CREB5: variants seen among roughly 807,000 people sequenced by gnomAD.
CREB5 encodes the protein cyclic AMP-responsive element-binding protein 5.
A neutral mutation model predicts 57.1 loss-of-function variants in CREB5; 19 were observed. The ratio of observed to expected loss-of-function variants is 0.33; its 90% confidence interval spans 0.23 to 0.49. CREB5 has a LOEUF of 0.49. Among genes scored for constraint, CREB5 ranks in the 20% least tolerant of loss-of-function variants. The pLI, the probability that CREB5 is intolerant of heterozygous loss-of-function variation, is 0.99. For missense variants in CREB5, 579 were observed against 671.6 expected (o/e 0.86, Z 1.52); for synonymous variants, 238 against 238.3 (o/e 1.00, Z 0.01).
At chr7:28,560,903 C>T (rs186457557) in intron 4 of CREB5, among the ~76,000 whole-genome samples, 11,568 of 25,526 alleles carry the variant, frequency 0.45, 2,779 homozygotes, top group East Asian at 0.71. Flanking sequence ...TGTGCGTGCG[C>T]GCGTGCGTGT....
intron 5 of CREB5, among the ~76,000 whole-genome samples, chr7:28,670,841 C>A (rs1800007526): frequency 6.6e-6 from 1 of 152,122 alleles, no homozygotes; most frequent in Non-Finnish European, 1.5e-5. Flanking sequence ...TTCTTTAAAA[C>A]AATTTGTAAA....
chr7:28,800,136 CAAACT>C (rs1347345493), intron 7 of CREB5, among the ~76,000 whole-genome samples: 1 of 152,170 alleles, frequency 6.6e-6, no homozygotes, highest in African/African-American at 2.4e-5. Context: ...TATATCGCTA[CAAACT>C]AAACTATTTT....
At chr7:28,583,907 A>G (rs1030053200) in intron 5 of CREB5, among the ~76,000 whole-genome samples, 1 of 151,938 alleles carries the variant, frequency 6.6e-6, no homozygotes, top group South Asian at 2.1e-4. Flanking sequence ...CGAACTCCCA[A>G]CCTCAGCTGA....
At chr7:28,686,281 C>G (rs993439163) in intron 5 of CREB5, 4 of 863,912 alleles carry the variant, frequency 4.6e-6, no homozygotes, top group African/African-American at 3.4e-5. Context: ...AGCCTTCGTC[C>G]TCCTCCTCCT....
intron 7 of CREB5, among the ~76,000 whole-genome samples, chr7:28,779,892 T>C (rs964448325): frequency 6.6e-6 from 1 of 152,198 alleles, no homozygotes; most frequent in African/African-American, 2.4e-5. Flanking sequence ...TTGACACTTA[T>C]GCCACTTTGA....
intron 9 of CREB5, among the ~76,000 whole-genome samples, chr7:28,813,108 G>C (rs890176004): frequency 2.0e-5 from 3 of 152,208 alleles, no homozygotes; most frequent in Non-Finnish European, 4.4e-5. Flanking sequence ...ATTTTGTGGA[G>C]AAAGAAACTG....
intron 5 of CREB5, among the ~76,000 whole-genome samples, chr7:28,631,963 G>C (rs929399256): frequency 1.3e-5 from 2 of 152,154 alleles, no homozygotes; most frequent in Non-Finnish European, 2.9e-5. Flanking sequence ...CTCTGTGCTG[G>C]AGAAAAGGAG....
At chr7:28,578,788 T>A (rs1024216369) in intron 5 of CREB5, among the ~76,000 whole-genome samples, 4 of 152,246 alleles carry the variant, frequency 2.6e-5, no homozygotes, top group African/African-American at 9.6e-5. Context: ...TTCTTTACTA[T>A]CTATTTTTCA....
intron 1 of CREB5, among the ~76,000 whole-genome samples, chr7:28,367,054 C>T (rs10279242): frequency 0.42 from 64,075 of 151,996 alleles, 13,815 homozygotes; most frequent in Non-Finnish European, 0.49. Flanking sequence ...TGGAAATTTT[C>T]GGCATACTCT....
chr7:28,512,895 C>T (rs1169063312), intron 4 of CREB5, among the ~76,000 whole-genome samples: 1 of 152,174 alleles, frequency 6.6e-6, no homozygotes, highest in Non-Finnish European at 1.5e-5. Flanking sequence ...TCTAGAATTC[C>T]TACCAAAATG....
At chr7:28,706,369 AT>A (rs1405256093) in intron 5 of CREB5, among the ~76,000 whole-genome samples, 1 of 152,068 alleles carries the variant, frequency 6.6e-6, no homozygotes, top group Non-Finnish European at 1.5e-5. Flanking sequence ...AAAAAAAAAA[AT>A]CTTTCTAGCA....
Position 28,443,909 on chromosome 7 carries a change from C to T in CREB5, c.3+30992C>T, listed in dbSNP as rs73075806. Among the ~76,000 whole-genome samples, 1,521 of 152,200 alleles carry T rather than the reference C, an allele frequency of 1.0e-2. 15 individuals carry two copies. The highest frequency in any genetic ancestry group is 0.017 in the Non-Finnish European group (1,131 of 68,012). On this transcript the variant is annotated intron_variant, in intron 1 of 10. Transcript: ENST00000357727. ...AGGTCATTTACCTGAGATGTGGAAG[C>T]GGTATTGGTAGATCCTGATACAAGT...
intron 1 of CREB5, among the ~76,000 whole-genome samples, chr7:28,326,654 C>T (rs569627725): frequency 1.3e-5 from 2 of 152,302 alleles, no homozygotes; most frequent in East Asian, 3.9e-4. Flanking sequence ...ATGGTTACTA[C>T]CCTAGACCTT....
At chr7:28,725,645 TA>T (rs1554291840) in intron 7 of CREB5, among the ~76,000 whole-genome samples, 2,311 of 112,312 alleles carry the variant, frequency 0.021, 28 homozygotes, top group Middle Eastern at 0.052. Context: ...TATCTTTTTT[TA>T]AAAAAAAAAA....
intron 5 of CREB5, among the ~76,000 whole-genome samples, chr7:28,592,659 T>C (rs1467533267): frequency 6.6e-6 from 1 of 152,082 alleles, no homozygotes; most frequent in Non-Finnish European, 1.5e-5. Context: ...GTTAGTCTCA[T>C]ATGGAGGAGG....
At chr7:28,757,565 C>T (rs1040596752) in intron 7 of CREB5, among the ~76,000 whole-genome samples, 19 of 151,120 alleles carry the variant, frequency 1.3e-4, no homozygotes, top group Admixed American at 2.6e-4. Context: ...CCCAGCTACT[C>T]GGGAGGCTGA....
At chr7:28,359,352 C>A (rs1583396647) in intron 1 of CREB5, among the ~76,000 whole-genome samples, 1 of 152,162 alleles carries the variant, frequency 6.6e-6, no homozygotes, top group South Asian at 2.1e-4. Context: ...GTCTTACCTC[C>A]CCTATAAGAG....
At chr7:28,785,820 A>G (rs765520775) in intron 7 of CREB5, among the ~76,000 whole-genome samples, 3 of 152,176 alleles carry the variant, frequency 2.0e-5, no homozygotes, top group Non-Finnish European at 4.4e-5. Flanking sequence ...CAGGACATTC[A>G]CACCTCTGTG....
intron 7 of CREB5, among the ~76,000 whole-genome samples, chr7:28,782,365 G>A (rs1583731619): frequency 1.1e-5 from 1 of 89,598 alleles, no homozygotes; most frequent in Admixed American, 1.0e-4. Context: ...TACATTGTCA[G>A]CAGCAGAAAT....
Sources: allele counts gnomAD v4.1 joint callset (sites outside exome capture counted in the v4.1 genomes callset), GRCh38; gene constraint gnomAD v4.1.1; transcripts MANE v1.5; gene names NCBI Gene and HGNC (gene_info 2026-07-23, HGNC 2026-07-21).